ZFHX3: variants seen among roughly 807,000 people sequenced by gnomAD.
The protein encoded by ZFHX3 is zinc finger homeobox 3, also known as zinc finger homeobox protein 3.
Under a neutral mutation model 279.1 loss-of-function variants are expected in ZFHX3, and 42 were observed. The ratio of observed to expected loss-of-function variants is 0.15; its 90% CI spans 0.12 to 0.19. The LOEUF is 0.19. ZFHX3 is among the 10% of genes least tolerant of loss of function. ZFHX3 has a pLI of 1.00. For synonymous variants in ZFHX3, 2,293 were observed against 1,957.8 expected, an observed-to-expected ratio of 1.17 and a Z score of -4.52; for missense variants, 4,981 against 4,754.0, an observed-to-expected ratio of 1.05 and a Z score of -1.40.
rs1597225678 is a variant in ZFHX3 at position 72,788,403 on chromosome 16, C to T, written c.9873G>A (p.Leu3291=). The T allele has an allele frequency of 6.2e-7, 1 of 1,614,154 alleles. No individual in the cohort carries two copies. The highest frequency in any genetic ancestry group is 8.5e-7 in the Non-Finnish European group (1 of 1,180,002). ...TGGGGTCCGAAGTCAACGCGGCCTG[C>T]AGGGCCTGCAGCTGTGCAGGGTCTA... ...YAVDPAQLQA[L]QAALTSDPTA... is the part of the protein sequence containing the mutation. Residue 3291 remains leucine (L), a synonymous_variant, in exon 10 of 10, where the codon CTG becomes CTA. Transcript: ENST00000268489.
intron 3 of ZFHX3, among the ~76,000 whole-genome samples, chr16:73,407,305 C>T (rs951616684): frequency 4.3e-4 from 65 of 152,262 alleles, no homozygotes; most frequent in African/African-American, 1.5e-3. Context: ...AATGACAGTT[C>T]GGCTGTGTAC....
chr16:72,993,077 G>A (rs1205010807), intron 1 of ZFHX3, among the ~76,000 whole-genome samples: 1 of 152,180 alleles, frequency 6.6e-6, no homozygotes. Flanking sequence ...TGGAGGCTGT[G>A]GTGAGCCGAG....
At chr16:73,441,302 T>C (rs548038282) in intron 3 of ZFHX3, among the ~76,000 whole-genome samples, 72 of 152,264 alleles carry the variant, frequency 4.7e-4, no homozygotes, top group African/African-American at 1.6e-3. Context: ...TATTGTAATA[T>C]AATGTCAATC....
intron 7 of ZFHX3, among the ~76,000 whole-genome samples, chr16:72,806,302 G>C (rs2036263655): frequency 6.6e-6 from 1 of 152,150 alleles, no homozygotes; most frequent in African/African-American, 2.4e-5. Flanking sequence ...TTGAAACTGA[G>C]GATGAGAAAG....
chr16:73,383,671 G>C (rs1430137704), intron 3 of ZFHX3, among the ~76,000 whole-genome samples: 1 of 130,538 alleles, frequency 7.7e-6, no homozygotes, highest in Non-Finnish European at 1.6e-5. Context: ...GGATCCGAAG[G>C]AACTGGAGGG....
intron 5 of ZFHX3, among the ~76,000 whole-genome samples, chr16:73,198,768 G>A (rs1250407528): frequency 2.0e-5 from 3 of 152,180 alleles, no homozygotes; most frequent in Admixed American, 2.0e-4. Context: ...GAAACAAAAG[G>A]GGACTTTCAC....
intron 1 of ZFHX3, among the ~76,000 whole-genome samples, chr16:73,692,558 G>A (rs1236110833): frequency 1.3e-5 from 2 of 152,170 alleles, no homozygotes; most frequent in Non-Finnish European, 2.9e-5. Flanking sequence ...GGTTGCCTCT[G>A]TATATTTTTA....
At chr16:73,727,300 T>G (rs1271742191) in intron 1 of ZFHX3, among the ~76,000 whole-genome samples, 1 of 152,212 alleles carries the variant, frequency 6.6e-6, no homozygotes, top group East Asian at 1.9e-4. Context: ...GACCCTCTCC[T>G]TCAGCTACCA....
intron 2 of ZFHX3, among the ~76,000 whole-genome samples, chr16:73,578,695 C>T (rs762925226): frequency 6.6e-6 from 1 of 152,070 alleles, no homozygotes; most frequent in East Asian, 1.9e-4. Context: ...CCACTCTACT[C>T]GTTTTGACTG....
chr16:73,014,745 C>T (rs1011819555), intron 1 of ZFHX3, among the ~76,000 whole-genome samples: 1 of 151,746 alleles, frequency 6.6e-6, no homozygotes, highest in Non-Finnish European at 1.5e-5. Context: ...ATCTCCTGAC[C>T]TCATGATCCA....
chr16:73,137,997 T>A (rs569242328), intron 6 of ZFHX3, among the ~76,000 whole-genome samples: 3 of 152,158 alleles, frequency 2.0e-5, no homozygotes, highest in Non-Finnish European at 4.4e-5. Flanking sequence ...AAAATCCCTG[T>A]ATTCTAATGA....
At chr16:72,844,228 T>C (rs867421244) in intron 4 of ZFHX3, among the ~76,000 whole-genome samples, 1 of 152,168 alleles carries the variant, frequency 6.6e-6, no homozygotes, top group Non-Finnish European at 1.5e-5. Context: ...TAATTGCTTT[T>C]TCCCCTTCCA....
intron 3 of ZFHX3, among the ~76,000 whole-genome samples, chr16:73,336,608 G>A (rs1268494318): frequency 6.6e-6 from 1 of 151,944 alleles, no homozygotes; most frequent in Non-Finnish European, 1.5e-5. Context: ...TGGTGTATAC[G>A]TGCCATATTT....
rs150374017 is a variant in ZFHX3, at chr16:73,156,074, T to C, written c.-1103-12243A>G. Among the ~76,000 whole-genome samples the C allele has an allele frequency of 2.2e-3, 334 of 150,602 alleles. 1 individual carries two copies. Among genetic ancestry groups the C allele is most frequent in the African/African-American group, 8.0e-3 (329 of 41,014 alleles). ...GGTGAAACCCCATCTCTACTAAAAA[T>C]ACAAAAAATTAGCCGGGTGTGGTGG... On this transcript the variant is annotated intron_variant, in intron 5 of 17. Transcript: ENST00000641206.
At chr16:73,150,988 T>C (rs1220735004) in intron 5 of ZFHX3, among the ~76,000 whole-genome samples, 1 of 152,124 alleles carries the variant, frequency 6.6e-6, no homozygotes, top group Non-Finnish European at 1.5e-5. Flanking sequence ...TTACACAGAA[T>C]GGGCAATATT....
intron 2 of ZFHX3, among the ~76,000 whole-genome samples, chr16:73,660,528 G>C (rs1341647719): frequency 6.6e-6 from 1 of 152,118 alleles, no homozygotes; most frequent in Non-Finnish European, 1.5e-5. Context: ...CTGCATTTCT[G>C]TGGATTAAAC....
At chr16:73,662,786 T>C (rs969764423) in intron 2 of ZFHX3, among the ~76,000 whole-genome samples, 10 of 152,222 alleles carry the variant, frequency 6.6e-5, no homozygotes, top group African/African-American at 2.2e-4. Context: ...CACAATTTTA[T>C]AGACCCTCAT....
chr16:73,312,576 C>A lies in ZFHX3; in HGVS notation c.-1194+5664G>T, dbSNP rs1412679597. Among the ~76,000 whole-genome samples, 3 of 152,200 alleles carry A rather than the reference C, an allele frequency of 2.0e-5. No individual in the cohort carries two copies. The East Asian group carries it at 5.8e-4, about 29-fold the overall frequency. ...CATTCCTGGTGCCTATTGCTCAATGCATGAGCAAATGCAGAGGGGTCAACA... is the reference window on the plus strand; with the variant it reads ...CATTCCTGGTGCCTATTGCTCAATGAATGAGCAAATGCAGAGGGGTCAACA... On this transcript the variant is annotated intron_variant, in intron 4 of 17. Coordinates refer to the ZFHX3 transcript ENST00000641206.
At chr16:73,145,977 A>G (rs1966861120) in intron 5 of ZFHX3, among the ~76,000 whole-genome samples, 1 of 152,238 alleles carries the variant, frequency 6.6e-6, no homozygotes, top group African/African-American at 2.4e-5. Flanking sequence ...GAAAGAAATT[A>G]GATTTCTTTA....
Sources: gnomAD v4.1 joint callset for allele counts (sites outside exome capture counted in the v4.1 genomes callset) on GRCh38, gnomAD v4.1.1 for gene constraint, MANE v1.5 for transcripts, NCBI Gene and HGNC (gene_info 2026-07-23, HGNC 2026-07-21) for gene names.